Variants in CPE observed in about 807,000 individuals in gnomAD.
CPE encodes carbocypeptidase E.
A neutral mutation model predicts 53.5 loss-of-function variants in CPE; 17 were observed. That is an observed-to-expected ratio of 0.32 (90% CI 0.22 to 0.48). The LOEUF (loss-of-function observed/expected upper bound fraction) is 0.48. Ranked by LOEUF, CPE falls within the 20% of genes least tolerant of loss-of-function variation. The probability of loss-of-function intolerance (pLI) is 0.99; values close to 1 mark genes in which losing one functional copy is unlikely to be tolerated. For missense variants in CPE, 524 were observed against 614.7 expected, an observed-to-expected ratio of 0.85 and a Z score of 1.56; for synonymous variants, 226 against 228.8, an observed-to-expected ratio of 0.99 and a Z score of 0.11.
intron 1 of CPE, among the ~76,000 whole-genome samples, chr4:165,439,109 AAC>A (rs1731563252): frequency 6.6e-6 from 1 of 152,200 alleles, no homozygotes; most frequent in African/African-American, 2.4e-5. Flanking sequence ...AATAATGAGA[AAC>A]ACTTCATTTG....
chr4:165,461,457 A>C (rs561082020), intron 1 of CPE, among the ~76,000 whole-genome samples: 58 of 152,218 alleles, frequency 3.8e-4, no homozygotes, highest in African/African-American at 1.3e-3. Context: ...TCATGAAAGC[A>C]AAGGGGAAGT....
At chr4:165,392,635 TATAA>T (rs1227790623) in intron 1 of CPE, among the ~76,000 whole-genome samples, 1 of 146,860 alleles carries the variant, frequency 6.8e-6, no homozygotes, top group Non-Finnish European at 1.5e-5. Flanking sequence ...ATAATGATAT[TATAA>T]ATATAATGAA....
At chr4:165,461,775 A>T (rs935763714) in intron 1 of CPE, among the ~76,000 whole-genome samples, 1 of 152,148 alleles carries the variant, frequency 6.6e-6, no homozygotes, top group African/African-American at 2.4e-5. Context: ...TGTCCAACAA[A>T]TGCTGTATTT....
At position 165,484,417 on chromosome 4, in the gene CPE, T is replaced by C; in HGVS notation, c.791-5T>C. On this transcript the variant is annotated splice_polypyrimidine_tract_variant and splice_region_variant and intron_variant, in intron 4 of 8. Coordinates refer to ENST00000402744, the MANE Select transcript of CPE (RefSeq NM_001873.4). ...TTTCTTTAATCTTGTGGATTTGTTT[T>C]CTAGGTAGTGCTCACGAATACAGCT... The C allele has an allele frequency of 6.2e-7, 1 of 1,612,578 alleles. No homozygotes were observed.
intron 1 of CPE, among the ~76,000 whole-genome samples, chr4:165,409,272 C>T (rs967473405): frequency 9.2e-5 from 14 of 151,664 alleles, no homozygotes; most frequent in Non-Finnish European, 1.3e-4. Flanking sequence ...GGTGTGATCT[C>T]GGCTCACTGC....
chr4:165,452,473 G>A (rs2126692954), intron 1 of CPE, among the ~76,000 whole-genome samples: 1 of 152,028 alleles, frequency 6.6e-6, no homozygotes, highest in Admixed American at 6.5e-5. Context: ...ATAGGCATAT[G>A]CTGATATTTA....
At chr4:165,383,896 A>G (rs1388001935) in intron 1 of CPE, among the ~76,000 whole-genome samples, 2 of 152,240 alleles carry the variant, frequency 1.3e-5, no homozygotes, top group East Asian at 3.8e-4. Context: ...TTATTTTTAG[A>G]CCTGAATGAG....
chr4:165,427,963 T>C (rs1264530728), intron 1 of CPE, among the ~76,000 whole-genome samples: 2 of 152,244 alleles, frequency 1.3e-5, no homozygotes. Context: ...ACACTATCTT[T>C]AAGTTCTATT....
intron 1 of CPE, among the ~76,000 whole-genome samples, chr4:165,448,026 G>A (rs563307611): frequency 6.6e-6 from 1 of 152,030 alleles, no homozygotes; most frequent in African/African-American, 2.4e-5. Flanking sequence ...ATATATGCAT[G>A]TATATATACA....
In CPE at chr4:165,464,417, A is replaced by G; in HGVS notation, c.335A>G (p.Asn112Ser). ...PGEPEFKYIG[N>S]MHGNEAVGRE... ...GAGCCTGAATTTAAATACATTGGGA[A>G]TATGCATGGGAATGAGGCTGTTGGA... The change falls in exon 2 of 9, where the codon AAT (asparagine) becomes AGT (serine). Residue 112 changes from asparagine to serine, a missense_variant. Asn to Ser is a conservative substitution (Grantham distance 46). Coordinates refer to ENST00000402744, the MANE Select transcript of CPE (RefSeq NM_001873.4). 6.2e-7 allele frequency: 1 copy of G among 1,610,442 alleles called. No individual in the cohort carries two copies. The highest frequency in any genetic ancestry group is 2.2e-5 in the East Asian group (1 of 44,742).
At chr4:165,406,118 A>T in intron 1 of CPE, 1 of 755,870 alleles carries the variant, frequency 1.3e-6, no homozygotes, top group Non-Finnish European at 2.5e-6. Context: ...GATTTCATTC[A>T]TAACTTCCGT....
At chr4:165,401,173 C>A (rs1730861428) in intron 1 of CPE, among the ~76,000 whole-genome samples, 1 of 152,172 alleles carries the variant, frequency 6.6e-6, no homozygotes, top group African/African-American at 2.4e-5. Context: ...TTTCTGCGGC[C>A]TTCTCTTCTG....
Position 165,406,361 on chromosome 4 carries a change from A to G in CPE, c.307+26833A>G, listed in dbSNP as rs867304429. ...GGTAGACCACCATGTTGAGCTGAAG[A>G]GAACAGCAGTGGAGAGCGCTTCTCT... On this transcript the variant is annotated intron_variant, in intron 1 of 8. Coordinates refer to ENST00000402744, the MANE Select transcript of CPE (RefSeq NM_001873.4). 8 of 495,916 alleles carry G rather than the reference A, an allele frequency of 1.6e-5. No homozygotes were observed. In the Middle Eastern group the frequency reaches 2.6e-3, roughly 159 times the overall value. 30.7% of individuals were successfully genotyped at this position (495,916 alleles called of 1,614,324 possible).
chr4:165,394,371 G>T (rs1422256766), intron 1 of CPE, among the ~76,000 whole-genome samples: 1 of 152,030 alleles, frequency 6.6e-6, no homozygotes, highest in Non-Finnish European at 1.5e-5. Flanking sequence ...GTAATTTTTT[G>T]AATTTAAGCC....
At chr4:165,426,250 C>A (rs552086348) in intron 1 of CPE, among the ~76,000 whole-genome samples, 1 of 152,090 alleles carries the variant, frequency 6.6e-6, no homozygotes, top group African/African-American at 2.4e-5. Context: ...TAAAATTGAA[C>A]GTTAGATTAT....
At chr4:165,412,099 G>T (rs10011401) in intron 1 of CPE, among the ~76,000 whole-genome samples, 43,719 of 152,078 alleles carry the variant, frequency 0.29, 6,433 homozygotes, top group Middle Eastern at 0.4. Flanking sequence ...AGGCATTTGG[G>T]CCCCAGCCAG....
chr4:165,455,428 A>C (rs565982312), intron 1 of CPE, among the ~76,000 whole-genome samples: 1 of 152,322 alleles, frequency 6.6e-6, no homozygotes, highest in South Asian at 2.1e-4. Context: ...AAGGTCCAAA[A>C]ACCCTCTTCA....
intron 1 of CPE, among the ~76,000 whole-genome samples, chr4:165,385,292 A>G (rs933397358): frequency 1.3e-5 from 2 of 152,136 alleles, no homozygotes; most frequent in African/African-American, 4.8e-5. Flanking sequence ...CATTTAGAGT[A>G]GGCACTCTTG....
intron 1 of CPE, among the ~76,000 whole-genome samples, chr4:165,423,709 T>G (rs962730913): frequency 1.3e-5 from 2 of 151,934 alleles, no homozygotes; most frequent in Admixed American, 6.5e-5. Context: ...TAGTTACATA[T>G]GTATACATGT....
Sources: allele counts gnomAD v4.1 joint callset (sites outside exome capture counted in the v4.1 genomes callset), GRCh38; gene constraint gnomAD v4.1.1; transcripts MANE v1.5; gene names NCBI Gene and HGNC (gene_info 2026-07-23, HGNC 2026-07-21).